Variants in CMIP observed in about 807,000 individuals in gnomAD.
CMIP encodes C-Maf-inducing protein.
Under a neutral mutation model 97.3 loss-of-function variants are expected in CMIP, and 13 were observed. The observed-to-expected ratio is 0.13, with a 90% confidence interval of 0.09 to 0.21. CMIP has a LOEUF of 0.21. CMIP is among the 10% of genes least tolerant of loss of function. The pLI is 1.00. For synonymous variants in CMIP, 538 were observed against 436.3 expected, an observed-to-expected ratio of 1.23 and a Z score of -2.91; for missense variants, 847 against 1,024.9, an observed-to-expected ratio of 0.83 and a Z score of 2.37.
chr16:81,465,797 C>T (rs1394469447), intron 1 of CMIP, among the ~76,000 whole-genome samples: 1 of 152,202 alleles, frequency 6.6e-6, no homozygotes, highest in East Asian at 1.9e-4. Flanking sequence ...GGCCCTGGCT[C>T]AGACAGCAGG....
In CMIP at chr16:81,664,406, C is replaced by T. The variant is rs894654332; in HGVS notation, c.825+57C>T. 1.2e-5 allele frequency: 18 copies of T among 1,507,468 alleles called. No homozygotes were observed. The Admixed American group carries it at 1.8e-4, about 15-fold the overall frequency. 93.4% of individuals were successfully genotyped at this position (1,507,468 alleles called of 1,614,324 possible). On this transcript the variant is annotated intron_variant, in intron 7 of 20. Transcript: ENST00000537098. ...AGCGCCCAGAACATGAGGCCCCGCG[C>T]GCCTCCCTGGCCTTTTGCGTTGGCA...
intron 1 of CMIP, among the ~76,000 whole-genome samples, chr16:81,540,668 G>C (rs2090432218): frequency 6.6e-6 from 1 of 151,016 alleles, no homozygotes; most frequent in South Asian, 2.1e-4. Flanking sequence ...GTGTGTGTGT[G>C]TGTGTGTGTG....
intron 1 of CMIP, among the ~76,000 whole-genome samples, chr16:81,456,317 C>A (rs960353028): frequency 2.0e-5 from 3 of 152,160 alleles, no homozygotes; most frequent in Non-Finnish European, 4.4e-5. Flanking sequence ...TCTCATCAGC[C>A]CCGTGAGGCG....
At chr16:81,567,974 C>G (rs1438757598) in intron 1 of CMIP, among the ~76,000 whole-genome samples, 2 of 150,442 alleles carry the variant, frequency 1.3e-5, no homozygotes, top group East Asian at 3.9e-4. Flanking sequence ...GCCTCAGTAT[C>G]CTCTTCCAGG....
At chr16:81,632,400 T>G (rs1354280327) in intron 3 of CMIP, among the ~76,000 whole-genome samples, 2 of 152,182 alleles carry the variant, frequency 1.3e-5, no homozygotes, top group African/African-American at 2.4e-5. Context: ...CACGCAGACT[T>G]TATCATCCAC....
intron 9 of CMIP, among the ~76,000 whole-genome samples, chr16:81,676,721 A>G (rs186780226): frequency 6.6e-6 from 1 of 152,348 alleles, no homozygotes; most frequent in East Asian, 1.9e-4. Context: ...GGTTCCTGGC[A>G]TGTGCTGGAT....
At chr16:81,528,314 C>A (rs1405164560) in intron 1 of CMIP, among the ~76,000 whole-genome samples, 1 of 151,986 alleles carries the variant, frequency 6.6e-6, no homozygotes, top group East Asian at 1.9e-4. Context: ...CAAGGCTGGC[C>A]CTTCCTCCTA....
rs146543495 is a variant in CMIP at position 81,626,977 on chromosome 16, G to A, written c.477+6051G>A. The stretch of plus-strand genomic sequence containing the variant: ...TGAGTGTGTGTGTGGCATATGGGGC[G>A]ACTATTTTATGAATGTGTGTGTGTG... On this transcript the variant is annotated intron_variant, in intron 3 of 20. Transcript: ENST00000537098. Among the ~76,000 whole-genome samples the A allele has an allele frequency of 4.9e-3, 664 of 136,132 alleles. 2 individuals carry two copies. Among genetic ancestry groups the A allele is most frequent in the Non-Finnish European group, 6.6e-3 (401 of 61,028 alleles). 89.3% of individuals were successfully genotyped at this position (136,132 alleles called of 152,430 possible). A position where few individuals can be genotyped will look rare whatever the true frequency, so the allele number is the denominator to read the frequency against.
intron 1 of CMIP, among the ~76,000 whole-genome samples, chr16:81,561,506 A>C (rs2090883079): frequency 2.6e-5 from 4 of 152,192 alleles, no homozygotes; most frequent in Admixed American, 1.3e-4. Context: ...AGGTTTAAGA[A>C]CTACCAGGAA....
At chr16:81,596,462 G>C (rs1249149241) in intron 1 of CMIP, among the ~76,000 whole-genome samples, 1 of 147,816 alleles carries the variant, frequency 6.8e-6, no homozygotes, top group African/African-American at 2.5e-5. Flanking sequence ...AGCCAGGATC[G>C]TGCCATTGCA....
intron 1 of CMIP, among the ~76,000 whole-genome samples, chr16:81,489,192 G>T: frequency 6.6e-6 from 1 of 152,156 alleles, no homozygotes; most frequent in Non-Finnish European, 1.5e-5. Flanking sequence ...GCAAGGAGGG[G>T]TACGATGTGC....
intron 1 of CMIP, chr16:81,518,362 A>G (rs1401120869): frequency 6.6e-6 from 1 of 152,202 alleles, no homozygotes. Flanking sequence ...AACAGTGGCC[A>G]CCACTTCATG....
At position 81,660,930 on chromosome 16, in the gene CMIP, G is replaced by A. The variant is rs745762584; in HGVS notation, c.728G>A (p.Cys243Tyr). 1 of 1,613,972 alleles carries A rather than the reference G, an allele frequency of 6.2e-7. No individual in the cohort carries two copies. The highest frequency in any genetic ancestry group is 1.7e-5 in the Admixed American group (1 of 60,016). Residue 243 changes from cysteine to tyrosine, a missense_variant, in exon 6 of 21, where the codon TGT (cysteine) becomes TAT (tyrosine). Transcript: ENST00000537098. ...LENNHPPPDL[C>Y]EFFCKHCRER... ...AACAACCACCCACCACCAGATCTCTGTGAATTCTTTTGCAAGGTACGGGAT... is the reference window on the plus strand; with the variant it reads ...AACAACCACCCACCACCAGATCTCTATGAATTCTTTTGCAAGGTACGGGAT...
At chr16:81,654,894 A>G (rs943920982) in intron 4 of CMIP, among the ~76,000 whole-genome samples, 1 of 98,460 alleles carries the variant, frequency 1.0e-5, no homozygotes. Context: ...AAGAGTGAGA[A>G]ACCGTGTTGT....
In CMIP at chr16:81,445,295, G is replaced by C; in HGVS notation, c.54G>C (p.Glu18Asp). Residue 18 changes from glutamate to aspartate, a missense_variant, in exon 1 of 21, where the codon GAG becomes GAC. This residue lies in a region of CMIP where 94 missense variants were observed against 79.9 expected (regional missense o/e 1.18). Transcript: ENST00000537098. Reference protein sequence around the residue: ...GGGGDPRQIEETKPLLGGDVS... With the variant: ...GGGGDPRQIEDTKPLLGGDVS... ...GCGGCGACCCCCGGCAGATCGAGGAGACCAAGCCGCTGCTGGGGGGCGACG... is the reference window on the plus strand; with the variant it reads ...GCGGCGACCCCCGGCAGATCGAGGACACCAAGCCGCTGCTGGGGGGCGACG... 6.4e-7 allele frequency: 1 copy of C among 1,558,890 alleles called. No homozygotes were observed.
intron 1 of CMIP, among the ~76,000 whole-genome samples, chr16:81,494,592 C>T (rs2089457436): frequency 6.6e-6 from 1 of 152,168 alleles, no homozygotes; most frequent in Non-Finnish European, 1.5e-5. Context: ...GGCTCCCGTT[C>T]TGAGGAGGCA....
chr16:81,445,976 C>T, intron 1 of CMIP, among the ~76,000 whole-genome samples: 1 of 150,578 alleles, frequency 6.6e-6, no homozygotes, highest in Non-Finnish European at 1.5e-5. Flanking sequence ...AAAAAAAAAA[C>T]AAACAACACA....
rs748494787 is a variant in CMIP at position 81,484,660 on chromosome 16, G to C, written c.300+39119G>C. 1.2e-4 allele frequency among the ~76,000 whole-genome samples: 18 copies of C among 152,262 alleles called. No homozygotes were observed. In the Middle Eastern group the frequency reaches 0.017, roughly 144 times the overall value. ...GTGCGCACAGACCCGGCTAGTTTAAGGCCATTGATGGGACTCCTGTAGACG... is the reference window on the plus strand; with the variant it reads ...GTGCGCACAGACCCGGCTAGTTTAACGCCATTGATGGGACTCCTGTAGACG... On this transcript the variant is annotated intron_variant, in intron 1 of 20. Transcript: ENST00000537098.
chr16:81,499,395 C>G (rs1887749847), intron 1 of CMIP, among the ~76,000 whole-genome samples: 1 of 152,240 alleles, frequency 6.6e-6, no homozygotes, highest in Non-Finnish European at 1.5e-5. Flanking sequence ...ATCTCCAGCT[C>G]CCTTTCAGAG....
Sources: gnomAD v4.1 joint callset for allele counts (sites outside exome capture counted in the v4.1 genomes callset) on GRCh38, gnomAD v4.1.1 for gene constraint, gnomAD v4.1.1 regional missense constraint, MANE v1.5 for transcripts, NCBI Gene and HGNC (gene_info 2026-07-23, HGNC 2026-07-21) for gene names.